Variants in GPR155 observed in about 807,000 individuals in gnomAD.
GPR155 encodes G protein-coupled receptor 155.
In GPR155, 65 loss-of-function variants were observed where a neutral mutation model predicts 93.1. That is an observed-to-expected ratio of 0.70 (90% CI 0.57 to 0.86). The LOEUF (loss-of-function observed/expected upper bound fraction) is 0.86, where lower values mean the gene tolerates loss of function less well. Ranked by LOEUF, GPR155 falls within the 40% of genes least tolerant of loss-of-function variation. GPR155 has a pLI of 0.00. For missense variants in GPR155, 838 were observed against 1,034.8 expected, an observed-to-expected ratio of 0.81 and a Z score of 2.61; for synonymous variants, 319 against 360.1, an observed-to-expected ratio of 0.89 and a Z score of 1.29.
intron 3 of GPR155, among the ~76,000 whole-genome samples, chr2:174,471,644 A>C (rs536720251): frequency 6.6e-6 from 1 of 152,202 alleles, no homozygotes; most frequent in East Asian, 1.9e-4. Flanking sequence ...AATCAGCAAG[A>C]CCAAGATTGT....
chr2:174,448,556 A>G (rs1574703532), intron 11 of GPR155, among the ~76,000 whole-genome samples: 1 of 113,058 alleles, frequency 8.8e-6, no homozygotes. Context: ...TTTGAGACGG[A>G]GTCTCGCTCT....
chr2:174,478,084 T>C (rs1688218637), intron 2 of GPR155, among the ~76,000 whole-genome samples: 2 of 152,370 alleles, frequency 1.3e-5, no homozygotes, highest in South Asian at 4.1e-4. Context: ...GACTTAACTA[T>C]GCTCTATTAG....
chr2:174,463,643 GC>G (rs1311384004), intron 7 of GPR155, among the ~76,000 whole-genome samples: 4 of 152,118 alleles, frequency 2.6e-5, no homozygotes, highest in Non-Finnish European at 5.9e-5. Flanking sequence ...GGAAGTAAAG[GC>G]AAGGCAAAAA....
chr2:174,463,126 CT>C (rs5836457), intron 7 of GPR155, among the ~76,000 whole-genome samples: 137,267 of 139,670 alleles, frequency 0.98, 67,492 homozygotes, highest in East Asian at 1. Context: ...TTTTTTCTTT[CT>C]TTTTTTTTTT....
At chr2:174,464,929 G>A (rs561839525) in intron 7 of GPR155, among the ~76,000 whole-genome samples, 4 of 152,166 alleles carry the variant, frequency 2.6e-5, no homozygotes, top group African/African-American at 9.6e-5. Context: ...TCAAAGGTCC[G>A]TCCTTTGTGG....
chr2:174,473,195 T>G lies in GPR155; in HGVS notation c.630A>C (p.Gly210=), dbSNP rs1688047808. The change falls in exon 3 of 16, where the codon GGA becomes GGC. Residue 210 remains glycine, a synonymous_variant. Transcript: ENST00000392552. ...SQNKIKIVGL[G]LLRVLQNPIV... ...TTGGGTTCTGTAATACACGCAGGAG[T>G]CCGAGTCCCACAATTTTTATTTTAT... The G allele has an allele frequency of 1.9e-6, 3 of 1,613,192 alleles. No homozygotes were observed. The highest frequency in any genetic ancestry group is 1.3e-5 in the African/African-American group (1 of 74,808).
chr2:174,431,830 T>C lies in GPR155; in HGVS notation c.*4286A>G, dbSNP rs1424193780. 2 of 152,202 alleles carry C rather than the reference T, an allele frequency of 1.3e-5. No individual in the cohort carries two copies. Among genetic ancestry groups the C allele is most frequent in the Non-Finnish European group, 2.9e-5 (2 of 68,030 alleles). 9.4% of individuals were successfully genotyped at this position (152,202 alleles called of 1,614,324 possible). ...TTCACATTTTTCTTGCTTTAGAAATTTACTGACCATTAATTGTTGTTCTCA... is the reference window on the plus strand; with the variant it reads ...TTCACATTTTTCTTGCTTTAGAAATCTACTGACCATTAATTGTTGTTCTCA... On this transcript the variant is annotated 3_prime_UTR_variant, in exon 16 of 16. Coordinates refer to ENST00000392552, the MANE Select transcript of GPR155 (RefSeq NM_152529.7).
At chr2:174,486,471 G>A (rs1006835330) in intron 1 of GPR155, among the ~76,000 whole-genome samples, 2 of 152,194 alleles carry the variant, frequency 1.3e-5, no homozygotes, top group Non-Finnish European at 2.9e-5. Flanking sequence ...CCCCAAAAAC[G>A]GGTAAGGGAG....
At chr2:174,459,471 A>G (rs1687617606) in intron 10 of GPR155, among the ~76,000 whole-genome samples, 1 of 152,216 alleles carries the variant, frequency 6.6e-6, no homozygotes, top group Non-Finnish European at 1.5e-5. Flanking sequence ...TTTGACAAGC[A>G]CTCATGATAT....
At chr2:174,444,298 C>T (rs564821050) in intron 13 of GPR155, among the ~76,000 whole-genome samples, 1 of 151,718 alleles carries the variant, frequency 6.6e-6, no homozygotes, top group African/African-American at 2.4e-5. Context: ...GCCTGTAATC[C>T]CAGCTACTCA....
chr2:174,454,601 G>T (rs554963539), intron 10 of GPR155, among the ~76,000 whole-genome samples: 1 of 151,102 alleles, frequency 6.6e-6, no homozygotes, highest in South Asian at 2.1e-4. Flanking sequence ...ATTACAGGGA[G>T]CAGTCACGCT....
At chr2:174,445,912 G>A (rs953908315) in intron 12 of GPR155, among the ~76,000 whole-genome samples, 6 of 150,210 alleles carry the variant, frequency 4.0e-5, no homozygotes, top group Non-Finnish European at 8.9e-5. Flanking sequence ...TTTTTCTGGT[G>A]GACACTGAGG....
At chr2:174,454,248 C>T (rs1574709959) in intron 10 of GPR155, among the ~76,000 whole-genome samples, 1 of 152,120 alleles carries the variant, frequency 6.6e-6, no homozygotes, top group Admixed American at 6.5e-5. Flanking sequence ...AGCGATTGTC[C>T]CGCCTCAGCT....
intron 11 of GPR155, among the ~76,000 whole-genome samples, chr2:174,451,548 T>G (rs934379832): frequency 6.6e-6 from 1 of 152,208 alleles, no homozygotes; most frequent in African/African-American, 2.4e-5. Context: ...GGCACTAAAT[T>G]GTATGATTAG....
At chr2:174,475,294 C>CAAAAAAAAAAAAAAA (rs71024809) in intron 2 of GPR155, among the ~76,000 whole-genome samples, 1 of 64,332 alleles carries the variant, frequency 1.6e-5, no homozygotes. Flanking sequence ...GACTCCGTCT[C>CAAAAAAAAAAAAAAA]AAAAAAAAAA....
At chr2:174,447,527 AT>A in intron 11 of GPR155, among the ~76,000 whole-genome samples, 1 of 145,934 alleles carries the variant, frequency 6.9e-6, no homozygotes, top group Middle Eastern at 3.6e-3. Flanking sequence ...TTTATATATA[AT>A]TATATATGTA....
At chr2:174,442,287 A>T (rs140033461) in intron 13 of GPR155, 104 bp from the exon 14 acceptor site, 2 of 672,780 alleles carry the variant, frequency 3.0e-6, no homozygotes, top group South Asian at 1.6e-5. Flanking sequence ...AGACAAACCT[A>T]TAGTGACAAG....
At chr2:174,471,554 G>C (rs1322744428) in intron 3 of GPR155, among the ~76,000 whole-genome samples, 1 of 150,858 alleles carries the variant, frequency 6.6e-6, no homozygotes, top group African/African-American at 2.4e-5. Context: ...CTGTTGAAGA[G>C]TCAATTATTA....
At chr2:174,455,085 T>G (rs1256820260) in intron 10 of GPR155, among the ~76,000 whole-genome samples, 2 of 152,134 alleles carry the variant, frequency 1.3e-5, no homozygotes, top group African/African-American at 4.8e-5. Flanking sequence ...ACAAAGAAAT[T>G]ATACATTTTG....
Sources: gnomAD v4.1 joint callset for allele counts (sites outside exome capture counted in the v4.1 genomes callset) on GRCh38, gnomAD v4.1.1 for gene constraint, MANE v1.5 for transcripts, NCBI Gene and HGNC (gene_info 2026-07-23, HGNC 2026-07-21) for gene names.